FLNB: variants seen among roughly 807,000 people sequenced by gnomAD.
FLNB encodes filamin-B.
In FLNB, 111 loss-of-function variants were observed where a neutral mutation model predicts 250.6. That is an observed-to-expected ratio of 0.44 (90% CI 0.38 to 0.52). The LOEUF (loss-of-function observed/expected upper bound fraction) is 0.52. Among genes scored for constraint, FLNB ranks in the 20% least tolerant of loss-of-function variants. The pLI, the probability that FLNB is intolerant of heterozygous loss-of-function variation, is 0.00. For missense variants in FLNB, 2,869 were observed against 3,447.8 expected (o/e 0.83, Z 4.20); for synonymous variants, 1,302 against 1,372.1 (o/e 0.95, Z 1.13).
At chr3:58,070,172 C>T (rs1337835341) in intron 1 of FLNB, among the ~76,000 whole-genome samples, 2 of 151,808 alleles carry the variant, frequency 1.3e-5, no homozygotes, top group South Asian at 4.2e-4. Context: ...CTCAGCCTCC[C>T]AAGTAGCTGG....
Position 58,121,405 on chromosome 3 carries a change from G to T in FLNB, c.3028G>T (p.Glu1010Ter). 2 of 1,614,190 alleles carry T rather than the reference G, an allele frequency of 1.2e-6. No homozygotes were observed. Among genetic ancestry groups the T allele is most frequent in the Non-Finnish European group, 1.7e-6 (2 of 1,180,034 alleles). Residue 1010 changes from glutamate (E) to a stop codon, truncating the protein, a stop_gained, in exon 20 of 46, where the codon GAG becomes TAG. Coordinates refer to ENST00000295956, the MANE Select transcript of FLNB (RefSeq NM_001457.4). LOFTEE classifies it high-confidence loss of function. ...ENSTAKFIPR[E>*]EGLYAVDVTY... ...CAGCACGGCCAAGTTCATCCCTCGG[G>T]AGGAGGGGCTGTATGCTGTAGACGT...
At chr3:58,042,419 C>A (rs908262862) in intron 1 of FLNB, among the ~76,000 whole-genome samples, 1 of 150,622 alleles carries the variant, frequency 6.6e-6, no homozygotes, top group Non-Finnish European at 1.5e-5. Context: ...ATGATCACAG[C>A]TCACTGCAGC....
chr3:58,106,128 T>A (rs35997722), intron 11 of FLNB, among the ~76,000 whole-genome samples: 1 of 152,064 alleles, frequency 6.6e-6, no homozygotes, highest in Non-Finnish European at 1.5e-5. Context: ...CTCTATCCAT[T>A]GTCAGGCTCT....
chr3:58,012,541 C>T (rs2097100532), intron 1 of FLNB, among the ~76,000 whole-genome samples: 1 of 152,166 alleles, frequency 6.6e-6, no homozygotes, highest in Non-Finnish European at 1.5e-5. Context: ...GTTTGCAAGT[C>T]TTAGGTGTTA....
At chr3:58,044,296 AGAT>A (rs1559654256) in intron 1 of FLNB, among the ~76,000 whole-genome samples, 1 of 152,158 alleles carries the variant, frequency 6.6e-6, no homozygotes, top group Non-Finnish European at 1.5e-5. Flanking sequence ...CTTAAGTCCA[AGAT>A]GATGATAAAT....
At chr3:58,085,733 A>G (rs1370512259) in intron 4 of FLNB, among the ~76,000 whole-genome samples, 4 of 152,194 alleles carry the variant, frequency 2.6e-5, no homozygotes, top group Non-Finnish European at 4.4e-5. Flanking sequence ...TGAAGCATTT[A>G]CTGTAGAGCA....
At chr3:58,121,108 C>A in intron 19 of FLNB, 133 bp from the exon 20 acceptor site, 1 of 1,118,822 alleles carries the variant, frequency 8.9e-7, no homozygotes, top group Non-Finnish European at 1.4e-6. Flanking sequence ...TGCTTGTCCT[C>A]TGCAGCAGCT....
intron 1 of FLNB, among the ~76,000 whole-genome samples, chr3:58,050,769 G>T (rs1321936661): frequency 2.0e-5 from 3 of 152,170 alleles, no homozygotes; most frequent in Non-Finnish European, 2.9e-5. Context: ...AAATGGGGTG[G>T]CTGAGACAGG....
At chr3:58,103,810 G>A in intron 9 of FLNB, 149 bp from the exon 10 acceptor site, 1 of 838,340 alleles carries the variant, frequency 1.2e-6, no homozygotes, top group Non-Finnish European at 2.0e-6. Context: ...GGCTTTGAGG[G>A]GAGAGGTCCC....
intron 16 of FLNB, 25 bp from the exon 17 acceptor site, chr3:58,111,766 T>C: frequency 6.3e-7 from 1 of 1,587,724 alleles, no homozygotes; most frequent in South Asian, 1.1e-5. Context: ...GGGGCTTTCC[T>C]ACTAAGACTG....
chr3:58,081,816 C>T (rs770162436), intron 4 of FLNB, 40 bp downstream of exon 4: 2 of 1,608,684 alleles, frequency 1.2e-6, no homozygotes. Context: ...GAGACATGTC[C>T]TCTGGTGTTG....
intron 4 of FLNB, among the ~76,000 whole-genome samples, chr3:58,084,866 T>G (rs180951882): frequency 1.3e-5 from 2 of 152,236 alleles, no homozygotes; most frequent in African/African-American, 4.8e-5. Flanking sequence ...TGCTGTCTGT[T>G]AGGTACCTCC....
At chr3:58,038,409 T>C (rs2097141194) in intron 1 of FLNB, among the ~76,000 whole-genome samples, 2 of 151,672 alleles carry the variant, frequency 1.3e-5, no homozygotes, top group Non-Finnish European at 2.9e-5. Flanking sequence ...AGTTAGTTCT[T>C]GTCAGAATCT....
chr3:58,027,534 G>A (rs1468384116), intron 1 of FLNB, among the ~76,000 whole-genome samples: 6 of 151,648 alleles, frequency 4.0e-5, no homozygotes, highest in African/African-American at 7.3e-5. Context: ...TGCCCACCTC[G>A]GCCTCCCAAA....
chr3:58,094,086 G>A lies in FLNB; in HGVS notation c.788-750G>A, dbSNP rs568921685. Among the ~76,000 whole-genome samples the A allele has an allele frequency of 1.1e-4, 17 of 152,246 alleles. No individual in the cohort carries two copies. The South Asian group carries it at 2.5e-3, about 22-fold the overall frequency. The stretch of plus-strand genomic sequence containing the variant: ...TGAGATTGAGTCATAGCTTTTTACC[G>A]TGTTACCACTGGGGAAACTATTTTG... On this transcript the variant is annotated intron_variant, in intron 4 of 45. Coordinates refer to ENST00000295956, the MANE Select transcript of FLNB (RefSeq NM_001457.4).
chr3:58,109,603 CAGA>C lies in FLNB; in HGVS notation c.2230_2232del (p.Lys744del), dbSNP rs767513299. 17 of 1,614,202 alleles carry C rather than the reference CAGA, an allele frequency of 1.1e-5. No homozygotes were observed. Among genetic ancestry groups the C allele is most frequent in the Non-Finnish European group, 1.7e-6 (2 of 1,180,044 alleles). On this transcript the variant is annotated inframe_deletion, in exon 15 of 46. Transcript: ENST00000295956. ...CAACATCGGGCAAGGTAGCCATCCT[CAGA>C]AGGTCAAAGTGTTTGGGCCAGGTGT...
chr3:58,142,613 T>C lies in FLNB; in HGVS notation c.5182-37T>C. 6.4e-7 allele frequency: 1 copy of C among 1,554,880 alleles called. No individual in the cohort carries two copies. The highest frequency in any genetic ancestry group is 2.2e-5 in the East Asian group (1 of 44,612). The stretch of plus-strand genomic sequence containing the variant: ...GTAGCTTCACCAGCTCCCGCTGTTG[T>C]CTGCTTTACCCAGTGACCACTGCCT... On this transcript the variant is annotated intron_variant, in intron 30 of 45. Coordinates refer to ENST00000295956, the MANE Select transcript of FLNB (RefSeq NM_001457.4). The surrounding 1 kb of genome is among the most constrained non-coding windows in gnomAD (Gnocchi z 4.3).
intron 43 of FLNB, among the ~76,000 whole-genome samples, chr3:58,168,072 C>T (rs55759213): frequency 0.13 from 20,308 of 152,260 alleles, 1,814 homozygotes; most frequent in Non-Finnish European, 0.2. Context: ...GCCTCCCCCA[C>T]ACCCCTGGAG....
intron 1 of FLNB, among the ~76,000 whole-genome samples, chr3:58,060,939 G>A (rs1434625630): frequency 6.6e-6 from 1 of 152,140 alleles, no homozygotes; most frequent in East Asian, 1.9e-4. Flanking sequence ...CCTGAGGCTG[G>A]GAGATTGCTT....
Sources: gnomAD v4.1 joint callset for allele counts (sites outside exome capture counted in the v4.1 genomes callset) on GRCh38, gnomAD v4.1.1 for gene constraint, Gnocchi (gnomAD v3.1) non-coding constraint, MANE v1.5 for transcripts, NCBI Gene and HGNC (gene_info 2026-07-23, HGNC 2026-07-21) for gene names.